The following MBNL1 variants were observed in gnomAD, a reference collection of about 807,000 sequenced individuals.
The protein encoded by MBNL1 is muscleblind-like protein 1.
A neutral mutation model predicts 42.2 loss-of-function variants in MBNL1; 8 were observed. That is an observed-to-expected ratio of 0.19 (90% CI 0.11 to 0.34). MBNL1 has a LOEUF of 0.34. MBNL1 is among the 10% of genes least tolerant of loss of function. The pLI, the probability that MBNL1 is intolerant of heterozygous loss-of-function variation, is 1.00. For missense variants in MBNL1, 309 were observed against 495.3 expected, an observed-to-expected ratio of 0.62 and a Z score of 3.57; for synonymous variants, 169 against 173.9, an observed-to-expected ratio of 0.97 and a Z score of 0.22.
chr3:152,278,640 G>A (rs1448262784), intron 1 of MBNL1, among the ~76,000 whole-genome samples: 1 of 152,026 alleles, frequency 6.6e-6, no homozygotes, highest in African/African-American at 2.4e-5. Flanking sequence ...AATTAATTTA[G>A]GAAGAATAGT....
At chr3:152,389,123 T>G (rs559400529) in intron 2 of MBNL1, among the ~76,000 whole-genome samples, 2 of 152,236 alleles carry the variant, frequency 1.3e-5, no homozygotes, top group Admixed American at 6.5e-5. Context: ...AGTTTCACTC[T>G]TGTTGCCTAG....
In MBNL1 at chr3:152,318,171, G is replaced by C. The variant is rs377353806; in HGVS notation, c.174+17804G>C. On this transcript the variant is annotated intron_variant, in intron 2 of 9. Transcript: ENST00000324210. ...TGGTACAAAGGAAAGGGCTGCTAAGGAAGTCATTCTTATGACTAGCTGAAA... is the reference window on the plus strand; with the variant it reads ...TGGTACAAAGGAAAGGGCTGCTAAGCAAGTCATTCTTATGACTAGCTGAAA... Among the ~76,000 whole-genome samples, 26 of 152,270 alleles carry C rather than the reference G, an allele frequency of 1.7e-4. No homozygotes were observed. The East Asian group carries it at 4.4e-3, about 26-fold the overall frequency.
intron 2 of MBNL1, among the ~76,000 whole-genome samples, chr3:152,304,677 A>T (rs1054658464): frequency 7.2e-5 from 11 of 152,242 alleles, no homozygotes; most frequent in Non-Finnish European, 1.6e-4. Context: ...TATAAGGCAT[A>T]ACCTGCGCAG....
chr3:152,359,038 A>G (rs2095741498), intron 2 of MBNL1, among the ~76,000 whole-genome samples: 1 of 152,260 alleles, frequency 6.6e-6, no homozygotes, highest in African/African-American at 2.4e-5. Context: ...TTTACTGCTT[A>G]TGAACAATGA....
At chr3:152,324,618 T>G (rs1466708169) in intron 2 of MBNL1, among the ~76,000 whole-genome samples, 1 of 152,222 alleles carries the variant, frequency 6.6e-6, no homozygotes, top group Non-Finnish European at 1.5e-5. Context: ...TCACTGTTTA[T>G]AGTGTTCTTT....
In MBNL1 at chr3:152,458,920, C is replaced by A. The variant is rs77449638; in HGVS notation, c.1093-351C>A. ...GGCAAGACATTTCCTTATCTGATTTCTGGATGATTACTAAGTAACTGAAAC... is the reference window on the plus strand; with the variant it reads ...GGCAAGACATTTCCTTATCTGATTTATGGATGATTACTAAGTAACTGAAAC... On this transcript the variant is annotated intron_variant, in intron 8 of 9. Transcript: ENST00000324210. 212 of 173,622 alleles carry A rather than the reference C, an allele frequency of 1.2e-3. 2 individuals are homozygous for A. In the East Asian group the frequency reaches 0.026, roughly 21 times the overall value. The allele number at this position is 173,622 out of a possible 1,614,324, so 10.8% of individuals were successfully genotyped here. A position where few individuals can be genotyped will look rare whatever the true frequency, so the allele number is the denominator to read the frequency against.
At chr3:152,446,687 G>A (rs769424242) in intron 5 of MBNL1, 51 of 1,612,512 alleles carry the variant, frequency 3.2e-5, no homozygotes, top group Admixed American at 1.3e-4. Flanking sequence ...TCATGTGCTC[G>A]CTGCCTGCTA....
chr3:152,320,191 A>T (rs1181116750), intron 2 of MBNL1, among the ~76,000 whole-genome samples: 1 of 152,110 alleles, frequency 6.6e-6, no homozygotes, highest in Non-Finnish European at 1.5e-5. Context: ...AGAAGATTTT[A>T]TGTGTTTTTA....
chr3:152,297,181 C>T lies in MBNL1; in HGVS notation c.-789-2224C>T, dbSNP rs148303054. ...GTGGTCCATTCTCAAGGCATGAAATCATTGAGTAATTCTTAATGCAGAACA... is the reference window on the plus strand; with the variant it reads ...GTGGTCCATTCTCAAGGCATGAAATTATTGAGTAATTCTTAATGCAGAACA... On this transcript the variant is annotated intron_variant, in intron 1 of 9. Coordinates refer to ENST00000324210, the MANE Select transcript of MBNL1 (RefSeq NM_021038.5). Among the ~76,000 whole-genome samples the T allele has an allele frequency of 2.4e-3, 366 of 150,498 alleles. 1 individual carries two copies. Among genetic ancestry groups the T allele is most frequent in the African/African-American group, 8.5e-3 (349 of 41,032 alleles).
At chr3:152,413,311 CAAATT>C (rs2098632590) in intron 2 of MBNL1, among the ~76,000 whole-genome samples, 1 of 152,126 alleles carries the variant, frequency 6.6e-6, no homozygotes, top group African/African-American at 2.4e-5. Flanking sequence ...GTTTGATACA[CAAATT>C]AAATTGTGGT....
chr3:152,246,509 T>G (rs1252331459), intron 2 of MBNL1, among the ~76,000 whole-genome samples: 3 of 151,776 alleles, frequency 2.0e-5, no homozygotes, highest in Non-Finnish European at 4.4e-5. Flanking sequence ...ATGATAATAT[T>G]AATGGTAAAT....
intron 2 of MBNL1, among the ~76,000 whole-genome samples, chr3:152,379,791 A>G (rs1476610859): frequency 6.6e-6 from 1 of 152,058 alleles, no homozygotes; most frequent in Non-Finnish European, 1.5e-5. Flanking sequence ...TTAGTTAAAG[A>G]TTCAGATGAA....
intron 2 of MBNL1, among the ~76,000 whole-genome samples, chr3:152,339,358 G>GGT (rs201574837): frequency 2.6e-5 from 4 of 151,890 alleles, no homozygotes; most frequent in Non-Finnish European, 4.4e-5. Context: ...AGGTGGTAAG[G>GGT]GTGTGTGTGT....
intron 1 of MBNL1, among the ~76,000 whole-genome samples, chr3:152,288,134 C>T (rs988940420): frequency 1.3e-5 from 2 of 152,120 alleles, no homozygotes; most frequent in Non-Finnish European, 2.9e-5. Flanking sequence ...GCCAACCAAC[C>T]ATATTTGAAG....
At chr3:152,431,403 G>A (rs2099005291) in intron 3 of MBNL1, among the ~76,000 whole-genome samples, 1 of 151,980 alleles carries the variant, frequency 6.6e-6, no homozygotes, top group Admixed American at 6.6e-5. Flanking sequence ...GTGAATAGAG[G>A]ATATATTTTA....
chr3:152,377,973 T>C (rs1366167561), intron 2 of MBNL1, among the ~76,000 whole-genome samples: 2 of 152,212 alleles, frequency 1.3e-5, no homozygotes, highest in Admixed American at 6.5e-5. Flanking sequence ...GGACCTGCTG[T>C]ATATTGTTTT....
chr3:152,306,767 C>G (rs904399847), intron 2 of MBNL1, among the ~76,000 whole-genome samples: 1 of 152,072 alleles, frequency 6.6e-6, no homozygotes, highest in Non-Finnish European at 1.5e-5. Flanking sequence ...TCTCATAAAA[C>G]TTTCAGAATT....
chr3:152,311,750 T>C (rs915620159), intron 2 of MBNL1, among the ~76,000 whole-genome samples: 13 of 152,144 alleles, frequency 8.5e-5, no homozygotes, highest in Non-Finnish European at 1.9e-4. Context: ...AATTTGACCA[T>C]GTAAATATAA....
intron 2 of MBNL1, among the ~76,000 whole-genome samples, chr3:152,256,312 T>C (rs987143288): frequency 6.6e-6 from 1 of 152,208 alleles, no homozygotes; most frequent in African/African-American, 2.4e-5. Context: ...TAATTGACTC[T>C]AATCTTGGCC....
Sources: allele counts gnomAD v4.1 joint callset (sites outside exome capture counted in the v4.1 genomes callset), GRCh38; gene constraint gnomAD v4.1.1; transcripts MANE v1.5; gene names NCBI Gene and HGNC (gene_info 2026-07-23, HGNC 2026-07-21).